DHX32: variants seen among roughly 807,000 people sequenced by gnomAD.
The protein encoded by DHX32 is putative pre-mRNA-splicing factor ATP-dependent RNA helicase DHX32.
A neutral mutation model predicts 70.0 loss-of-function variants in DHX32; 51 were observed. That is an observed-to-expected ratio of 0.73 (90% CI 0.58 to 0.92). The LOEUF (loss-of-function observed/expected upper bound fraction) is 0.92, where lower values mean the gene tolerates loss of function less well. Ranked by LOEUF, DHX32 falls within the 40% of genes least tolerant of loss-of-function variation. DHX32 has a pLI of 0.00. For missense variants in DHX32, 762 were observed against 891.8 expected (o/e 0.85, Z 1.85); for synonymous variants, 310 against 315.3 (o/e 0.98, Z 0.18).
At chr10:125,870,059 A>G (rs776104035) in intron 1 of DHX32, among the ~76,000 whole-genome samples, 1 of 152,208 alleles carries the variant, frequency 6.6e-6, no homozygotes, top group Non-Finnish European at 1.5e-5. Flanking sequence ...AATTGACAAG[A>G]ACAGGAAATT....
chr10:125,884,609 G>A (rs1944333182), upstream of DHX32, among the ~76,000 whole-genome samples: 1 of 152,172 alleles, frequency 6.6e-6, no homozygotes, highest in Non-Finnish European at 1.5e-5. Flanking sequence ...GGTAGAATTA[G>A]AAGTCAATGT....
chr10:125,851,118 A>G (rs1285350806), intron 6 of DHX32, among the ~76,000 whole-genome samples: 2 of 152,228 alleles, frequency 1.3e-5, no homozygotes, highest in Non-Finnish European at 2.9e-5. Flanking sequence ...TCATTTTCAC[A>G]TGGTTCATGC....
intron 2 of DHX32, among the ~76,000 whole-genome samples, chr10:125,863,093 A>G (rs1944199725): frequency 6.6e-6 from 1 of 151,292 alleles, no homozygotes. Context: ...TAATATTTAT[A>G]TTTTATAAAA....
intron 1 of DHX32, among the ~76,000 whole-genome samples, chr10:125,886,540 A>G: frequency 6.6e-6 from 1 of 152,284 alleles, no homozygotes; most frequent in Non-Finnish European, 1.5e-5. Flanking sequence ...AAACACTTCT[A>G]TCAGGAATTC....
At chr10:125,838,899 T>C (rs1854783265) in intron 9 of DHX32, 102 bp downstream of exon 9, 2 of 1,288,906 alleles carry the variant, frequency 1.6e-6, no homozygotes, top group Non-Finnish European at 2.1e-6. Flanking sequence ...TTTTTAGTTT[T>C]ACTTAATGTC....
intron 8 of DHX32, 152 bp from the exon 9 acceptor site, chr10:125,839,340 G>T: frequency 1.3e-6 from 1 of 747,130 alleles, no homozygotes; most frequent in Non-Finnish European, 2.1e-6. Context: ...CAAGGACAAG[G>T]ATTTCTGGTG....
intron 6 of DHX32, among the ~76,000 whole-genome samples, chr10:125,845,054 C>A (rs1048128054): frequency 6.6e-6 from 1 of 152,204 alleles, no homozygotes; most frequent in African/African-American, 2.4e-5. Context: ...AACCTAGTTA[C>A]AAAGAGGTCA....
At chr10:125,865,090 T>C (rs990260292) in intron 2 of DHX32, among the ~76,000 whole-genome samples, 13 of 151,900 alleles carry the variant, frequency 8.6e-5, no homozygotes, top group Admixed American at 3.3e-4. Flanking sequence ...ATTAAAGATA[T>C]AATATTAACT....
chr10:125,862,574 G>C (rs1315001414), intron 2 of DHX32, among the ~76,000 whole-genome samples: 1 of 151,798 alleles, frequency 6.6e-6, no homozygotes, highest in East Asian at 1.9e-4. Context: ...TATGTGTTAT[G>C]TAAATACATC....
At chr10:125,874,298 C>A (rs1803289925) in intron 1 of DHX32, among the ~76,000 whole-genome samples, 1 of 152,170 alleles carries the variant, frequency 6.6e-6, no homozygotes, top group Admixed American at 6.5e-5. Context: ...CCAACCAATG[C>A]TCCCACTATC....
In DHX32 at chr10:125,836,570, C is replaced by T. The variant is rs780113404; in HGVS notation, c.*117G>A. On this transcript the variant is annotated 3_prime_UTR_variant, in exon 11 of 11. Coordinates refer to ENST00000284690, the MANE Select transcript of DHX32 (RefSeq NM_018180.3). Reference sequence around the variant, plus strand: ...AAAATAATATACACAGTGTTATTTTCTTCAAGACCGTCCTGTGGATGTGAA... The same window carrying T: ...AAAATAATATACACAGTGTTATTTTTTTCAAGACCGTCCTGTGGATGTGAA... 248 of 1,385,300 alleles carry T rather than the reference C, an allele frequency of 1.8e-4. No individual in the cohort carries two copies. The highest frequency in any genetic ancestry group is 2.2e-4 in the Non-Finnish European group (228 of 1,044,996). 85.8% of individuals were successfully genotyped at this position (1,385,300 alleles called of 1,614,324 possible).
chr10:125,867,250 T>C, intron 1 of DHX32, 67 bp from the exon 2 acceptor site: 3 of 1,338,126 alleles, frequency 2.2e-6, no homozygotes. Context: ...ATCTCTGTCT[T>C]ACAGCAGGGT....
At chr10:125,846,689 C>A (rs1944025297) in intron 6 of DHX32, among the ~76,000 whole-genome samples, 1 of 152,210 alleles carries the variant, frequency 6.6e-6, no homozygotes, top group Admixed American at 6.5e-5. Flanking sequence ...CACTTCCATA[C>A]TTATAGGACA....
chr10:125,837,727 C>T (rs748773662), intron 10 of DHX32, among the ~76,000 whole-genome samples: 12 of 152,140 alleles, frequency 7.9e-5, no homozygotes, highest in African/African-American at 2.2e-4. Context: ...AAAACTATAT[C>T]GAGAAGATGC....
chr10:125,887,446 A>C (rs1944346472), intron 1 of DHX32, among the ~76,000 whole-genome samples: 2 of 152,202 alleles, frequency 1.3e-5, no homozygotes, highest in African/African-American at 4.8e-5. Flanking sequence ...TTCAAAGATG[A>C]GATAGGGGCC....
chr10:125,858,234 T>G (rs1944160958), intron 3 of DHX32, among the ~76,000 whole-genome samples: 1 of 152,188 alleles, frequency 6.6e-6, no homozygotes, highest in African/African-American at 2.4e-5. Context: ...ATTCTGACTC[T>G]CAAATATATT....
rs755394233 is a variant in DHX32 at position 125,853,924 on chromosome 10, G to A, written c.1092+37C>T. The A allele has an allele frequency of 8.2e-6, 13 of 1,592,114 alleles. No homozygotes were observed. The East Asian group carries it at 2.0e-4, about 25-fold the overall frequency. On this transcript the variant is annotated intron_variant, in intron 4 of 10. Coordinates refer to ENST00000284690, the MANE Select transcript of DHX32 (RefSeq NM_018180.3). ...AACTGAGAAACTAGTGCTTGACAACGATCAGCAGTCTGTTTAGCCTACTCA... is the reference window on the plus strand; with the variant it reads ...AACTGAGAAACTAGTGCTTGACAACAATCAGCAGTCTGTTTAGCCTACTCA...
chr10:125,867,078 C>G lies in DHX32; in HGVS notation c.388G>C (p.Val130Leu), dbSNP rs150128200. ...ATGTTAACATCCATTTCATCCGCCA[C>G]CCGCAGGGCGAGCTGGACCACAGTC... ...KQTVVQLALRVADEMDVNIGH... is the reference protein window; with the variant it reads ...KQTVVQLALRLADEMDVNIGH... Residue 130 changes from valine to leucine, a missense_variant, in exon 2 of 11, where the codon GTG becomes CTG. Transcript: ENST00000284690. 255 of 1,614,118 alleles carry G rather than the reference C, an allele frequency of 1.6e-4. No individual in the cohort carries two copies. The highest frequency in any genetic ancestry group is 2.1e-4 in the Non-Finnish European group (244 of 1,180,056).
intron 8 of DHX32, among the ~76,000 whole-genome samples, chr10:125,839,389 G>A (rs1335343231): frequency 3.9e-5 from 6 of 152,246 alleles, no homozygotes; most frequent in Non-Finnish European, 8.8e-5. Flanking sequence ...CAGGAAGGGA[G>A]ACGGTGCCAC....
Sources: allele counts gnomAD v4.1 joint callset (sites outside exome capture counted in the v4.1 genomes callset), GRCh38; gene constraint gnomAD v4.1.1; transcripts MANE v1.5; gene names NCBI Gene and HGNC (gene_info 2026-07-23, HGNC 2026-07-21).